Variants in SYNPO2 observed in about 807,000 individuals in gnomAD.
SYNPO2 encodes the protein synaptopodin-2.
SYNPO2 carries 56 observed loss-of-function variants against 85.0 expected under a neutral mutation model. That is an observed-to-expected ratio of 0.66 (90% CI 0.53 to 0.82). The LOEUF is 0.82. Ranked by LOEUF, SYNPO2 falls within the 40% of genes least tolerant of loss-of-function variation. The pLI is 0.00. For missense variants in SYNPO2, 1,575 were observed against 1,534.2 expected, an observed-to-expected ratio of 1.03 and a Z score of -0.44; for synonymous variants, 602 against 591.1, an observed-to-expected ratio of 1.02 and a Z score of -0.27.
chr4:119,030,016 C>T lies in SYNPO2; in HGVS notation c.1241C>T (p.Thr414Ile). The T allele has an allele frequency of 6.2e-7, 1 of 1,614,090 alleles. No individual in the cohort carries two copies. Among genetic ancestry groups the T allele is most frequent in the Non-Finnish European group, 8.5e-7 (1 of 1,179,992 alleles). Residue 414 changes from threonine (T) to isoleucine (I), a missense_variant, in exon 4 of 5, where the codon ACT (threonine) becomes ATT (isoleucine). This residue lies in a region of SYNPO2 where 1,508 missense variants were observed against 1,446.8 expected (regional missense o/e 1.04). Coordinates refer to ENST00000307142, the MANE Select transcript of SYNPO2 (RefSeq NM_133477.3). ...ARKYTLVSYG[T>I]GELEREADEE... ...AAATACACCCTAGTTAGCTACGGTA[C>T]TGGCGAGCTTGAGCGAGAGGCGGAC...
chr4:118,891,518 G>A (rs1732380097), intron 1 of SYNPO2, among the ~76,000 whole-genome samples: 1 of 152,098 alleles, frequency 6.6e-6, no homozygotes, highest in South Asian at 2.1e-4. Flanking sequence ...TCTTATACTA[G>A]CATTATTTGT....
intron 1 of SYNPO2, among the ~76,000 whole-genome samples, chr4:118,874,531 T>C (rs1731866467): frequency 1.3e-5 from 2 of 152,202 alleles, no homozygotes; most frequent in Non-Finnish European, 2.9e-5. Context: ...GCATCTGATA[T>C]ATCTGAAACT....
chr4:119,023,066 A>G (rs1470747745), intron 1 of SYNPO2, among the ~76,000 whole-genome samples: 2 of 151,968 alleles, frequency 1.3e-5, no homozygotes, highest in East Asian at 1.9e-4. Context: ...ATAAGCCACC[A>G]CGCCTGGCCT....
intron 1 of SYNPO2, among the ~76,000 whole-genome samples, chr4:118,980,819 G>A (rs770141856): frequency 3.3e-5 from 5 of 152,116 alleles, no homozygotes; most frequent in Admixed American, 1.3e-4. Context: ...GCCTCATCCT[G>A]GTGGTGGCAT....
rs561484397 is a variant in SYNPO2 at position 118,905,827 on chromosome 4, G to A, written c.105+16686G>A. 3.3e-5 allele frequency among the ~76,000 whole-genome samples: 5 copies of A among 152,294 alleles called. No homozygotes were observed. The South Asian group carries it at 1.0e-3, about 32-fold the overall frequency. On this transcript the variant is annotated intron_variant, in intron 1 of 4. Coordinates refer to ENST00000307142, the MANE Select transcript of SYNPO2 (RefSeq NM_133477.3). ...ATGGGCTCAGTGTCCTGGAGCCACG[G>A]TGGCAAGGGAGACTGCAGTCATTGG...
intron 1 of SYNPO2, among the ~76,000 whole-genome samples, chr4:118,994,728 T>C (rs563893188): frequency 4.6e-5 from 7 of 152,340 alleles, no homozygotes; most frequent in African/African-American, 1.7e-4. Context: ...AAGTGGCATG[T>C]TATTCCCATA....
chr4:118,942,475 C>T (rs557201066), intron 1 of SYNPO2, among the ~76,000 whole-genome samples: 1 of 152,292 alleles, frequency 6.6e-6, no homozygotes. Context: ...GAAAGCACAA[C>T]ATTTTTTTCT....
Position 119,058,423 on chromosome 4 carries a change from T to G in SYNPO2, c.*489T>G, listed in dbSNP as rs967383737. The G allele has an allele frequency of 6.6e-6, 1 of 152,360 alleles. No individual in the cohort carries two copies. Among genetic ancestry groups the G allele is most frequent in the Non-Finnish European group, 1.5e-5 (1 of 68,468 alleles). 9.4% of individuals were successfully genotyped at this position (152,360 alleles called of 1,614,324 possible). ...AGGGGCATGCCAGTGAGCAATTACT[T>G]TATAAAAATATTTTCCTTGGTGTTA... On this transcript the variant is annotated 3_prime_UTR_variant, in exon 5 of 5. Coordinates refer to ENST00000307142, the MANE Select transcript of SYNPO2 (RefSeq NM_133477.3).
At chr4:118,864,036 G>C (rs574569140) in intron 1 of SYNPO2, among the ~76,000 whole-genome samples, 2 of 152,062 alleles carry the variant, frequency 1.3e-5, no homozygotes, top group African/African-American at 4.8e-5. Flanking sequence ...TATTTAAGAC[G>C]CATCACTAGC....
chr4:118,903,549 A>G (rs1578534893), intron 1 of SYNPO2, among the ~76,000 whole-genome samples: 2 of 152,180 alleles, frequency 1.3e-5, no homozygotes, highest in African/African-American at 4.8e-5. Flanking sequence ...TACCCAGTGC[A>G]AGTTTTCATT....
upstream of SYNPO2, among the ~76,000 whole-genome samples, chr4:118,885,120 G>A (rs369256025): frequency 6.6e-6 from 1 of 152,302 alleles, no homozygotes; most frequent in African/African-American, 2.4e-5. Flanking sequence ...TTTGAGAAAA[G>A]AACAGTACTT....
intron 1 of SYNPO2, among the ~76,000 whole-genome samples, chr4:118,892,326 C>A (rs2149114395): frequency 6.6e-6 from 1 of 152,196 alleles, no homozygotes; most frequent in East Asian, 1.9e-4. Context: ...GTTTGTATAT[C>A]TTTTAATTTA....
At chr4:118,945,083 A>G (rs1358487853) in intron 1 of SYNPO2, among the ~76,000 whole-genome samples, 1 of 152,234 alleles carries the variant, frequency 6.6e-6, no homozygotes, top group African/African-American at 2.4e-5. Context: ...AATGAAGTAC[A>G]GTACTTAATG....
chr4:118,978,267 A>G (rs1044641505), intron 1 of SYNPO2, among the ~76,000 whole-genome samples: 3 of 152,220 alleles, frequency 2.0e-5, no homozygotes, highest in South Asian at 4.1e-4. Flanking sequence ...CAAAGCAAGC[A>G]TTTAACCTGC....
At chr4:119,033,140 T>A in intron 4 of SYNPO2, 2 of 985,448 alleles carry the variant, frequency 2.0e-6, no homozygotes, top group Non-Finnish European at 2.4e-6. Context: ...GTTTACTGAC[T>A]GACTACAGGG....
At chr4:119,027,886 G>A (rs1738038778) in intron 3 of SYNPO2, among the ~76,000 whole-genome samples, 1 of 97,294 alleles carries the variant, frequency 1.0e-5, no homozygotes, top group African/African-American at 3.4e-5. Flanking sequence ...GCAGATCCTT[G>A]TTTTGAAAAA....
chr4:118,902,195 G>C (rs2149119642), intron 1 of SYNPO2, among the ~76,000 whole-genome samples: 1 of 152,288 alleles, frequency 6.6e-6, no homozygotes, highest in South Asian at 2.1e-4. Flanking sequence ...GGTCCTTTAA[G>C]AACAACTTTG....
intron 1 of SYNPO2, among the ~76,000 whole-genome samples, chr4:118,914,378 C>A: frequency 6.6e-6 from 1 of 151,756 alleles, no homozygotes; most frequent in African/African-American, 2.4e-5. Context: ...AGAGTATGTA[C>A]AGAAAATTGG....
intron 4 of SYNPO2, chr4:119,038,126 C>T (rs1467934975): frequency 1.5e-5 from 15 of 984,986 alleles, no homozygotes; most frequent in Non-Finnish European, 1.8e-5. Context: ...GCTCTCCCTA[C>T]AGTACCACAT....
Sources: allele counts gnomAD v4.1 joint callset (sites outside exome capture counted in the v4.1 genomes callset), GRCh38; gene constraint gnomAD v4.1.1; regional missense constraint gnomAD v4.1.1; transcripts MANE v1.5; gene names NCBI Gene and HGNC (gene_info 2026-07-23, HGNC 2026-07-21).